MT4: variants seen among roughly 807,000 people sequenced by gnomAD.
MT4 encodes the protein metallothionein 4, also known as metallothionein-4.
A neutral mutation model predicts 9.5 loss-of-function variants in MT4; 11 were observed. The observed-to-expected ratio is 1.16, with a 90% CI of 0.73 to 1.92. The LOEUF (loss-of-function observed/expected upper bound fraction) is 1.92, where lower values mean the gene tolerates loss of function less well. Among genes scored for constraint, MT4 ranks in the 30% most tolerant of loss-of-function variants. The probability of loss-of-function intolerance (pLI) is 0.00; values close to 1 mark genes in which losing one functional copy is unlikely to be tolerated. For synonymous variants in MT4, 29 were observed against 24.6 expected, an observed-to-expected ratio of 1.18 and a Z score of -0.53; for missense variants, 88 against 78.7, an observed-to-expected ratio of 1.12 and a Z score of -0.45.
intron 1 of MT4, among the ~76,000 whole-genome samples, chr16:56,565,465 A>C (rs1959504833): frequency 6.6e-6 from 1 of 152,204 alleles, no homozygotes; most frequent in African/African-American, 2.4e-5. Context: ...GCTCTAAACC[A>C]GAATCTGGCA....
At chr16:56,566,453 G>C (rs1184867986) in intron 1 of MT4, among the ~76,000 whole-genome samples, 1 of 151,810 alleles carries the variant, frequency 6.6e-6, no homozygotes, top group East Asian at 1.9e-4. Flanking sequence ...GCTACAGTGA[G>C]CTGTGTTCCC....
At chr16:56,566,745 A>AGAAAGAAAGAAAGAAAGAAG (rs1567329863) in intron 1 of MT4, among the ~76,000 whole-genome samples, 1 of 46,140 alleles carries the variant, frequency 2.2e-5, no homozygotes, top group Admixed American at 2.5e-4. Context: ...AAAGAAAGAA[A>AGAAAGAAAGAAAGAAAGAAG]GAAGGAAGGA....
At chr16:56,566,819 A>AAAGAAAGAAAAGAAAG (rs1160884981) in intron 1 of MT4, among the ~76,000 whole-genome samples, 16 of 52,502 alleles carry the variant, frequency 3.0e-4, no homozygotes, top group African/African-American at 8.6e-4. Flanking sequence ...AGAAAGAAAG[A>AAAGAAAGAAAAGAAAG]AAAGAAAGAA....
At chr16:56,568,271 G>C (rs7499650) in intron 2 of MT4, among the ~76,000 whole-genome samples, 1 of 58,650 alleles carries the variant, frequency 1.7e-5, no homozygotes, top group Non-Finnish European at 3.7e-5. Context: ...GAGAGAGAGA[G>C]AGAAAGAAAG....
At chr16:56,566,818 GA>G (rs61171025) in intron 1 of MT4, among the ~76,000 whole-genome samples, 5,102 of 47,196 alleles carry the variant, frequency 0.11, 232 homozygotes, top group South Asian at 0.22. Flanking sequence ...AAGAAAGAAA[GA>G]AAAGAAAGAA....
chr16:56,567,259 T>C (rs566764815), intron 1 of MT4, among the ~76,000 whole-genome samples: 128 of 152,068 alleles, frequency 8.4e-4, no homozygotes, highest in Admixed American at 2.4e-3. Context: ...CCAGGCCTCA[T>C]GTGATTCACC....
intron 2 of MT4, among the ~76,000 whole-genome samples, chr16:56,568,428 T>C (rs751190429): frequency 5.7e-4 from 86 of 152,024 alleles, no homozygotes; most frequent in Non-Finnish European, 1.0e-3. Context: ...GGGAGAGATC[T>C]GAAATGAGAA....
intron 1 of MT4, among the ~76,000 whole-genome samples, chr16:56,566,836 AAAG>A (rs1959541790): frequency 8.6e-6 from 1 of 116,334 alleles, no homozygotes; most frequent in East Asian, 2.5e-4. Flanking sequence ...AGAAAGAAAG[AAAG>A]AAAGAAAGAA....
At chr16:56,565,273 G>A in intron 1 of MT4, 114 bp downstream of exon 1, 2 of 1,196,714 alleles carry the variant, frequency 1.7e-6, no homozygotes, top group South Asian at 1.5e-5. Context: ...CACCAATGGG[G>A]TTCGTCCTGG....
intron 1 of MT4, 86 bp downstream of exon 1, chr16:56,565,245 T>G: frequency 6.8e-7 from 1 of 1,464,396 alleles, no homozygotes; most frequent in Non-Finnish European, 9.3e-7. Context: ...AAAACTTCTC[T>G]TCCCTCTAAT....
At chr16:56,567,900 C>G (rs935705648) in intron 2 of MT4, 84 bp downstream of exon 2, 1 of 1,209,192 alleles carries the variant, frequency 8.3e-7, no homozygotes, top group Non-Finnish European at 1.2e-6. Context: ...CGTCTGTAAT[C>G]CCAGCACTTT....
intron 2 of MT4, 77 bp downstream of exon 2, chr16:56,567,893 C>T: frequency 7.9e-7 from 1 of 1,266,708 alleles, no homozygotes; most frequent in Non-Finnish European, 1.1e-6. Context: ...TGGCTCACGT[C>T]TGTAATCCCA....
Position 56,568,448 on chromosome 16 carries a change from G to C in MT4, c.98-393G>C, listed in dbSNP as rs563874398. On this transcript the variant is annotated intron_variant, in intron 2 of 2. Coordinates refer to ENST00000219162, the MANE Select transcript of MT4 (RefSeq NM_032935.3). ...AGATCTGAAATGAGAACTATGTAGA[G>C]ACCTATGGCAGGTCTCTACCCAGGG... Among the ~76,000 whole-genome samples, 20 of 152,106 alleles carry C rather than the reference G, an allele frequency of 1.3e-4. No homozygotes were observed. In the South Asian group the frequency reaches 4.2e-3, roughly 32 times the overall value.
intron 2 of MT4, among the ~76,000 whole-genome samples, chr16:56,568,254 AGAAAGAGAGAGAGAGAG>A (rs1959572650): frequency 2.3e-5 from 1 of 43,360 alleles, no homozygotes; most frequent in African/African-American, 9.6e-5. Flanking sequence ...AAAGAAAGAA[AGAAAGAGAGAGAGAGAG>A]AGAAAGAAAG....
intron 1 of MT4, among the ~76,000 whole-genome samples, chr16:56,566,726 G>A (rs1959526375): frequency 2.1e-5 from 1 of 46,928 alleles, no homozygotes. Context: ...AAGAAAGAAA[G>A]AAAGAAAGAA....
intron 1 of MT4, among the ~76,000 whole-genome samples, chr16:56,566,773 A>G (rs145695903): frequency 0.066 from 3,713 of 56,448 alleles, 190 homozygotes; most frequent in African/African-American, 0.1. Context: ...AAGGAAGGAA[A>G]GAAAGAAAGA....
chr16:56,567,733 C>G lies in MT4; in HGVS notation c.32-18C>G, dbSNP rs761738914. ...ATCTCCATCCTCACGTTTGTGGTGG[C>G]TCTGTCCTGTCTTCTAGGAGGAATC... On this transcript the variant is annotated intron_variant, in intron 1 of 2. Coordinates refer to ENST00000219162, the MANE Select transcript of MT4 (RefSeq NM_032935.3). 1 of 1,612,032 alleles carries G rather than the reference C, an allele frequency of 6.2e-7. No homozygotes were observed. Among genetic ancestry groups the G allele is most frequent in the South Asian group, 1.1e-5 (1 of 91,028 alleles).
At chr16:56,567,669 A>G in intron 1 of MT4, 82 bp from the exon 2 acceptor site, 1 of 1,327,678 alleles carries the variant, frequency 7.5e-7, no homozygotes, top group Non-Finnish European at 1.1e-6. Context: ...GAGCCTTGCC[A>G]CTCTGACAGT....
chr16:56,568,271 G>GAGAGAGAAAGAAAGAA (rs1567330643), intron 2 of MT4, among the ~76,000 whole-genome samples: 13 of 58,638 alleles, frequency 2.2e-4, no homozygotes, highest in South Asian at 1.7e-3. Context: ...GAGAGAGAGA[G>GAGAGAGAAAGAAAGAA]AGAAAGAAAG....
Sources: allele counts gnomAD v4.1 joint callset (sites outside exome capture counted in the v4.1 genomes callset), GRCh38; gene constraint gnomAD v4.1.1; transcripts MANE v1.5; gene names NCBI Gene and HGNC (gene_info 2026-07-23, HGNC 2026-07-21).